DNAJC3: variants seen among roughly 807,000 people sequenced by gnomAD.
DNAJC3 encodes dnaJ homolog subfamily C member 3.
Under a neutral mutation model 68.6 loss-of-function variants are expected in DNAJC3, and 38 were observed. The observed-to-expected ratio is 0.55, with a 90% CI of 0.43 to 0.73. DNAJC3 has a LOEUF of 0.73. DNAJC3 is among the 30% of genes least tolerant of loss of function. The probability of loss-of-function intolerance (pLI) is 0.00; values close to 1 mark genes in which losing one functional copy is unlikely to be tolerated. For missense variants in DNAJC3, 526 were observed against 591.9 expected (o/e 0.89, Z 1.16); for synonymous variants, 203 against 204.0 (o/e 1.00, Z 0.04).
chr13:95,700,458 T>G (rs1401355570), intron 1 of DNAJC3, among the ~76,000 whole-genome samples: 1 of 152,198 alleles, frequency 6.6e-6, no homozygotes, highest in Non-Finnish European at 1.5e-5. Flanking sequence ...CTCTCTTCCT[T>G]TCTTTCCATT....
chr13:95,707,887 G>A (rs568925855), intron 1 of DNAJC3, among the ~76,000 whole-genome samples: 1 of 152,234 alleles, frequency 6.6e-6, no homozygotes, highest in East Asian at 1.9e-4. Flanking sequence ...CTGTGTGGCT[G>A]GTCCATAGTA....
intron 4 of DNAJC3, among the ~76,000 whole-genome samples, chr13:95,733,686 C>T (rs1881789545): frequency 6.7e-6 from 1 of 150,224 alleles, no homozygotes; most frequent in African/African-American, 2.4e-5. Flanking sequence ...ATGTGTGAGC[C>T]ACTGTGCCTG....
intron 1 of DNAJC3, among the ~76,000 whole-genome samples, chr13:95,708,853 C>T (rs1880855891): frequency 6.6e-6 from 1 of 152,152 alleles, no homozygotes; most frequent in African/African-American, 2.4e-5. Context: ...ATTATAGGTG[C>T]TTAATAAATA....
intron 1 of DNAJC3, among the ~76,000 whole-genome samples, chr13:95,702,549 C>T (rs1880613739): frequency 6.6e-6 from 1 of 152,102 alleles, no homozygotes; most frequent in South Asian, 2.1e-4. Context: ...AGATGATGCC[C>T]TCATGACTGG....
intron 2 of DNAJC3, among the ~76,000 whole-genome samples, chr13:95,722,157 G>C (rs547179702): frequency 2.0e-5 from 3 of 152,204 alleles, no homozygotes; most frequent in East Asian, 3.9e-4. Flanking sequence ...TCTGTACTTC[G>C]TAGGTGCTGA....
At chr13:95,783,486 G>A (rs1431644225) in intron 9 of DNAJC3, among the ~76,000 whole-genome samples, 1 of 152,154 alleles carries the variant, frequency 6.6e-6, no homozygotes, top group Non-Finnish European at 1.5e-5. Context: ...GCTATGTGTT[G>A]TGTTATGGGT....
intron 1 of DNAJC3, among the ~76,000 whole-genome samples, 198 bp from the exon 2 acceptor site, chr13:95,709,029 A>G (rs906525693): frequency 6.6e-6 from 1 of 152,180 alleles, no homozygotes; most frequent in African/African-American, 2.4e-5. Flanking sequence ...CAAGATGGGT[A>G]CATTTTTTGT....
intron 4 of DNAJC3, among the ~76,000 whole-genome samples, chr13:95,734,968 C>T (rs1472826532): frequency 8.3e-6 from 1 of 120,846 alleles, no homozygotes; most frequent in African/African-American, 3.1e-5. Context: ...ATCCCTCCCC[C>T]CTCCCCCCCA....
chr13:95,765,646 A>T (rs1168817824), intron 9 of DNAJC3, among the ~76,000 whole-genome samples: 1 of 139,312 alleles, frequency 7.2e-6, no homozygotes, highest in Non-Finnish European at 1.5e-5. Context: ...ATCTTGGCTC[A>T]CTGCAACCTC....
chr13:95,759,582 A>G (rs1342741329), intron 5 of DNAJC3, among the ~76,000 whole-genome samples: 1 of 152,230 alleles, frequency 6.6e-6, no homozygotes, highest in African/African-American at 2.4e-5. Context: ...TAATGTGGTT[A>G]TTAGCAGAAA....
chr13:95,688,927 GGTGT>G (rs57546561), intron 1 of DNAJC3, among the ~76,000 whole-genome samples: 9,496 of 129,408 alleles, frequency 0.073, 326 homozygotes, highest in East Asian at 0.1. Flanking sequence ...TGATTGTGTG[GGTGT>G]GTGTGTGTGT....
intron 2 of DNAJC3, among the ~76,000 whole-genome samples, chr13:95,717,298 T>A (rs1881182355): frequency 6.6e-6 from 1 of 152,238 alleles, no homozygotes; most frequent in Non-Finnish European, 1.5e-5. Flanking sequence ...GATTTTTATA[T>A]CACTTAAACT....
intron 1 of DNAJC3, among the ~76,000 whole-genome samples, chr13:95,690,816 C>T (rs1182580909): frequency 3.6e-4 from 44 of 123,604 alleles, no homozygotes; most frequent in Middle Eastern, 5.2e-3. Flanking sequence ...CCCTCCCGGA[C>T]GGGGCAGCTG....
In DNAJC3 at chr13:95,758,625, A is replaced by C. The variant is rs1237075529; in HGVS notation, c.546+829A>C. Among the ~76,000 whole-genome samples, 3 of 152,066 alleles carry C rather than the reference A, an allele frequency of 2.0e-5. 1 individual carries two copies. The highest frequency in any genetic ancestry group is 4.8e-5 in the African/African-American group (2 of 41,408). On this transcript the variant is annotated intron_variant, in intron 5 of 11. Coordinates refer to ENST00000602402, the MANE Select transcript of DNAJC3 (RefSeq NM_006260.5). Reference sequence around the variant, plus strand: ...AGAGTGAGACTCCGTCTCAAAAAAAAAAAAAAAAGTTAATAATAATAATGG... The same window carrying C: ...AGAGTGAGACTCCGTCTCAAAAAAACAAAAAAAAGTTAATAATAATAATGG...
rs911955209 is a variant in DNAJC3, at chr13:95,785,237, C to A, written c.1076-702C>A. 9.9e-5 allele frequency among the ~76,000 whole-genome samples: 15 copies of A among 152,072 alleles called. No homozygotes were observed. In the South Asian group the frequency reaches 3.1e-3, roughly 32 times the overall value. ...TGTTGTCAATCCATAGCTGACCAGGCCGATTTTCTTTATCACTGTCTTTCT... is the reference window on the plus strand; with the variant it reads ...TGTTGTCAATCCATAGCTGACCAGGACGATTTTCTTTATCACTGTCTTTCT... On this transcript the variant is annotated intron_variant, in intron 9 of 11. Transcript: ENST00000602402.
chr13:95,778,498 A>G (rs1305865106), intron 9 of DNAJC3, among the ~76,000 whole-genome samples: 1 of 152,260 alleles, frequency 6.6e-6, no homozygotes, highest in Non-Finnish European at 1.5e-5. Context: ...ATGGAATATT[A>G]CTCAGCTTTT....
intron 4 of DNAJC3, among the ~76,000 whole-genome samples, chr13:95,734,680 T>G (rs528204960): frequency 1.3e-5 from 2 of 152,270 alleles, no homozygotes; most frequent in South Asian, 4.2e-4. Context: ...CTTTATGGAG[T>G]TCTGTGTGTC....
intron 4 of DNAJC3, among the ~76,000 whole-genome samples, chr13:95,729,298 C>T (rs1377144933): frequency 8.3e-6 from 1 of 121,022 alleles, no homozygotes; most frequent in African/African-American, 3.2e-5. Context: ...CTCCTTCTCC[C>T]TCTCCCTCTC....
At chr13:95,729,181 TTCTCTC>T (rs34173455) in intron 4 of DNAJC3, among the ~76,000 whole-genome samples, 4 of 134,626 alleles carry the variant, frequency 3.0e-5, no homozygotes, top group Non-Finnish European at 6.2e-5. Context: ...CATTCACTCA[TTCTCTC>T]TCTCTCTCTC....
Sources: allele counts gnomAD v4.1 joint callset (sites outside exome capture counted in the v4.1 genomes callset), GRCh38; gene constraint gnomAD v4.1.1; transcripts MANE v1.5; gene names NCBI Gene and HGNC (gene_info 2026-07-23, HGNC 2026-07-21).